Variants in PHACTR1 observed in about 807,000 individuals in gnomAD.
PHACTR1 encodes RPEL repeat containing 1.
A neutral mutation model predicts 69.2 loss-of-function variants in PHACTR1; 16 were observed. The ratio of observed to expected loss-of-function variants is 0.23; its 90% CI spans 0.16 to 0.35. The LOEUF is 0.35. Among genes scored for constraint, PHACTR1 ranks in the 10% least tolerant of loss-of-function variants. The pLI, the probability that PHACTR1 is intolerant of heterozygous loss-of-function variation, is 1.00. For missense variants in PHACTR1, 510 were observed against 734.7 expected (o/e 0.69, Z 3.54); for synonymous variants, 312 against 284.5 (o/e 1.10, Z -0.97).
Position 12,718,687 on chromosome 6 carries a change from TCCTC to T in PHACTR1, c.-46-11_-46-8del. 1.2e-6 allele frequency: 1 copy of T among 841,872 alleles called. No homozygotes were observed. The highest frequency in any genetic ancestry group is 1.8e-6 in the Non-Finnish European group (1 of 552,406). The allele number at this position is 841,872 out of a possible 1,614,324, so 52.2% of individuals were successfully genotyped here. ...GTCTAAAATATTGTGGATTTTTTTT[TCCTC>T]TTTATAGGTGTTCCAGTGTTTTCTC... On this transcript the variant is annotated splice_region_variant and splice_polypyrimidine_tract_variant and intron_variant, in intron 2 of 14. Coordinates refer to ENST00000332995, the MANE Select transcript of PHACTR1 (RefSeq NM_030948.6).
chr6:13,237,854 C>T (rs1772237582), intron 10 of PHACTR1, among the ~76,000 whole-genome samples: 5 of 152,046 alleles, frequency 3.3e-5, no homozygotes, highest in Admixed American at 3.3e-4. Context: ...AATACTGTGG[C>T]AATTGTAACA....
At chr6:13,003,404 G>T (rs963384991) in intron 4 of PHACTR1, among the ~76,000 whole-genome samples, 1 of 152,014 alleles carries the variant, frequency 6.6e-6, no homozygotes, top group African/African-American at 2.4e-5. Flanking sequence ...TAAATTACAA[G>T]ATTTGAGATA....
At chr6:12,860,805 G>A (rs1780865815) in intron 4 of PHACTR1, among the ~76,000 whole-genome samples, 1 of 152,182 alleles carries the variant, frequency 6.6e-6, no homozygotes, top group Non-Finnish European at 1.5e-5. Context: ...CTTTTGAAAA[G>A]TGTCTGTTCA....
intron 4 of PHACTR1, among the ~76,000 whole-genome samples, chr6:12,968,004 G>A (rs143305923): frequency 4.6e-5 from 7 of 152,336 alleles, no homozygotes; most frequent in African/African-American, 1.4e-4. Flanking sequence ...CCTGGATACC[G>A]AGATTTCCAA....
intron 10 of PHACTR1, among the ~76,000 whole-genome samples, chr6:13,241,618 G>A (rs1006119384): frequency 2.0e-5 from 3 of 152,182 alleles, no homozygotes; most frequent in African/African-American, 7.2e-5. Context: ...CCCACACAAG[G>A]TCATCCAGAG....
At chr6:12,798,226 AAAAG>A (rs1181112129) in intron 4 of PHACTR1, among the ~76,000 whole-genome samples, 3 of 152,316 alleles carry the variant, frequency 2.0e-5, no homozygotes, top group African/African-American at 4.8e-5. Flanking sequence ...GGAAGAAAGA[AAAAG>A]AAAGGAAGCT....
chr6:12,904,537 A>G (rs925375338), intron 4 of PHACTR1, among the ~76,000 whole-genome samples: 5 of 151,210 alleles, frequency 3.3e-5, no homozygotes, highest in Admixed American at 6.6e-5. Flanking sequence ...TCCATCTCAA[A>G]AAAAAAAAAA....
rs1268102145 is a variant in PHACTR1, at chr6:12,718,778, G to T, written c.34G>T (p.Val12Leu). The change falls in exon 3 of 15, where the codon GTA (valine) becomes TTA (leucine). Residue 12 changes from valine to leucine, a missense_variant. Physicochemically the swap from Val to Leu is conservative, Grantham distance 32 (BLOSUM62 1). Transcript: ENST00000332995. Reference protein sequence around the residue: ...DYPKMDYFLDVESAHRLLDVE... With the variant: ...DYPKMDYFLDLESAHRLLDVE... The stretch of plus-strand genomic sequence containing the variant: ...TCCCAAAATGGATTATTTTCTGGAT[G>T]TAGAGTCTGCTCACAGACTCTTGGA... 1 of 1,570,150 alleles carries T rather than the reference G, an allele frequency of 6.4e-7. No individual in the cohort carries two copies. Among genetic ancestry groups the T allele is most frequent in the Non-Finnish European group, 8.7e-7 (1 of 1,154,746 alleles).
At chr6:13,046,644 A>C (rs1215745484) in intron 4 of PHACTR1, among the ~76,000 whole-genome samples, 1 of 151,972 alleles carries the variant, frequency 6.6e-6, no homozygotes, top group Non-Finnish European at 1.5e-5. Flanking sequence ...TTTTTCCTTT[A>C]ACCAGGCAAC....
chr6:13,084,135 C>A (rs1344859898), intron 5 of PHACTR1, among the ~76,000 whole-genome samples: 2 of 151,946 alleles, frequency 1.3e-5, no homozygotes, highest in Non-Finnish European at 2.9e-5. Context: ...AAATGTCCAA[C>A]AATGACAGAC....
intron 9 of PHACTR1, 129 bp downstream of exon 9, chr6:13,228,192 G>A (rs1334809237): frequency 8.2e-6 from 10 of 1,213,508 alleles, no homozygotes; most frequent in South Asian, 3.2e-5. Context: ...GTCCTGGGTC[G>A]TAGGGCAGCT....
At chr6:13,021,080 G>A (rs1033878855) in intron 4 of PHACTR1, among the ~76,000 whole-genome samples, 4 of 152,132 alleles carry the variant, frequency 2.6e-5, no homozygotes, top group Admixed American at 6.5e-5. Flanking sequence ...TCATAGAATT[G>A]TCATCCATCA....
intron 4 of PHACTR1, among the ~76,000 whole-genome samples, chr6:12,796,491 A>G (rs1773018012): frequency 1.3e-5 from 2 of 152,238 alleles, no homozygotes; most frequent in African/African-American, 2.4e-5. Context: ...CCTCTGCAAA[A>G]TGAATGCTTG....
chr6:13,211,297 A>G (rs991995020), intron 8 of PHACTR1, among the ~76,000 whole-genome samples: 1 of 151,888 alleles, frequency 6.6e-6, no homozygotes, highest in African/African-American at 2.4e-5. Flanking sequence ...GAGTCCCCAA[A>G]GTCCATTATA....
rs114445427 is a variant in PHACTR1 at position 13,038,720 on chromosome 6, C to T, written c.251-14645C>T. Among the ~76,000 whole-genome samples, 336 of 152,240 alleles carry T rather than the reference C, an allele frequency of 2.2e-3. 1 individual carries two copies. The highest frequency in any genetic ancestry group is 7.3e-3 in the African/African-American group (303 of 41,542). On this transcript the variant is annotated intron_variant, in intron 4 of 14. Coordinates refer to ENST00000332995, the MANE Select transcript of PHACTR1 (RefSeq NM_030948.6). ...ACCAACTTAAAATAGTAATAACTAA[C>T]ATAAGATAGGGATGAATTTTTCTCT...
intron 8 of PHACTR1, among the ~76,000 whole-genome samples, chr6:13,225,983 C>T (rs372188829): frequency 2.0e-5 from 3 of 152,234 alleles, no homozygotes; most frequent in East Asian, 1.9e-4. Flanking sequence ...CATCACCCTT[C>T]GCCACCCTGG....
chr6:13,114,361 A>G (rs967945483), intron 5 of PHACTR1, among the ~76,000 whole-genome samples: 25 of 152,112 alleles, frequency 1.6e-4, no homozygotes, highest in African/African-American at 5.6e-4. Context: ...TATTCTTGGT[A>G]CATTCTTAGG....
intron 4 of PHACTR1, among the ~76,000 whole-genome samples, chr6:13,012,767 G>T (rs537449261): frequency 6.6e-6 from 1 of 152,216 alleles, no homozygotes; most frequent in Non-Finnish European, 1.5e-5. Context: ...TCGGACTGGC[G>T]ATATCTGAGT....
intron 8 of PHACTR1, among the ~76,000 whole-genome samples, chr6:13,227,439 A>G (rs1481537860): frequency 6.6e-6 from 1 of 152,190 alleles, no homozygotes; most frequent in East Asian, 1.9e-4. Flanking sequence ...TACAGATAAC[A>G]TAAAATTTGC....
Sources: gnomAD v4.1 joint callset for allele counts (sites outside exome capture counted in the v4.1 genomes callset) on GRCh38, gnomAD v4.1.1 for gene constraint, MANE v1.5 for transcripts, NCBI Gene and HGNC (gene_info 2026-07-23, HGNC 2026-07-21) for gene names.